FHIT: variants seen among roughly 807,000 people sequenced by gnomAD.
The protein encoded by FHIT is fragile histidine triad diadenosine triphosphatase.
Under a neutral mutation model 17.9 loss-of-function variants are expected in FHIT, and 19 were observed. The ratio of observed to expected loss-of-function variants is 1.06; its 90% confidence interval spans 0.74 to 1.56. The LOEUF (loss-of-function observed/expected upper bound fraction) is 1.56. FHIT is among the 40% of genes most tolerant of loss of function. FHIT has a pLI of 0.00. For synonymous variants in FHIT, 81 were observed against 69.7 expected (o/e 1.16, Z -0.81); for missense variants, 248 against 189.2 (o/e 1.31, Z -1.82).
At chr3:60,100,112 C>G (rs1011301204) in intron 5 of FHIT, among the ~76,000 whole-genome samples, 1 of 152,144 alleles carries the variant, frequency 6.6e-6, no homozygotes, top group East Asian at 1.9e-4. Flanking sequence ...TCACCAGTCT[C>G]AATATAGGAC....
intron 5 of FHIT, among the ~76,000 whole-genome samples, chr3:60,446,654 C>G (rs147039889): frequency 1.8e-4 from 28 of 152,128 alleles, no homozygotes; most frequent in African/African-American, 6.0e-4. Flanking sequence ...GAGTTCAAGA[C>G]CAGTCTGGTC....
chr3:61,119,041 C>A (rs541487995), intron 2 of FHIT, among the ~76,000 whole-genome samples: 105 of 152,170 alleles, frequency 6.9e-4, no homozygotes, highest in African/African-American at 2.4e-3. Context: ...GGTATAGCCC[C>A]TTAGAGGTCA....
chr3:60,543,751 T>C (rs978207439), intron 4 of FHIT, among the ~76,000 whole-genome samples: 6 of 151,782 alleles, frequency 4.0e-5, no homozygotes, highest in African/African-American at 1.5e-4. Context: ...TGTTGTTGTT[T>C]TGTTTTGTTT....
At chr3:60,709,983 C>A (rs545778808) in intron 4 of FHIT, among the ~76,000 whole-genome samples, 2 of 151,376 alleles carry the variant, frequency 1.3e-5, no homozygotes, top group South Asian at 4.2e-4. Context: ...ACTACCCAGT[C>A]TCACAAGTGC....
At chr3:60,799,640 C>T (rs1701115594) in intron 4 of FHIT, among the ~76,000 whole-genome samples, 1 of 152,182 alleles carries the variant, frequency 6.6e-6, no homozygotes, top group African/African-American at 2.4e-5. Flanking sequence ...ATGCAATCAT[C>T]TGGCTACAGT....
At chr3:60,441,841 C>CT (rs1393400309) in intron 5 of FHIT, among the ~76,000 whole-genome samples, 1 of 123,538 alleles carries the variant, frequency 8.1e-6, no homozygotes, top group African/African-American at 3.0e-5. Flanking sequence ...CCCGCTCATT[C>CT]TTTTTTTAGT....
chr3:61,006,851 A>C (rs74721130), intron 3 of FHIT, among the ~76,000 whole-genome samples: 3,215 of 152,316 alleles, frequency 0.021, 59 homozygotes, highest in Non-Finnish European at 0.032. Context: ...TACATAGTAG[A>C]AAGTTTAATA....
At chr3:61,103,797 G>C (rs13066447) in intron 2 of FHIT, among the ~76,000 whole-genome samples, 52,304 of 151,872 alleles carry the variant, frequency 0.34, 10,750 homozygotes, top group Non-Finnish European at 0.47. Context: ...TGATTCCTTT[G>C]CCATTATGTA....
intron 3 of FHIT, among the ~76,000 whole-genome samples, chr3:60,871,301 T>C (rs1302855052): frequency 2.0e-5 from 3 of 152,138 alleles, no homozygotes; most frequent in African/African-American, 7.2e-5. Flanking sequence ...GAATATTCTG[T>C]TCTGCTTCTG....
At chr3:59,994,239 C>G (rs1699409305) in intron 7 of FHIT, among the ~76,000 whole-genome samples, 1 of 152,046 alleles carries the variant, frequency 6.6e-6, no homozygotes. Context: ...AATATTAAGC[C>G]ACTGTAAAGT....
intron 2 of FHIT, among the ~76,000 whole-genome samples, chr3:61,084,979 G>T (rs1389252446): frequency 6.6e-6 from 1 of 152,112 alleles, no homozygotes; most frequent in Non-Finnish European, 1.5e-5. Flanking sequence ...TCAGGTATGG[G>T]CTGTTCATTC....
chr3:59,949,741 T>A (rs1305131602), intron 7 of FHIT, among the ~76,000 whole-genome samples: 1 of 152,194 alleles, frequency 6.6e-6, no homozygotes, highest in Non-Finnish European at 1.5e-5. Context: ...TCAGAACTTG[T>A]GATCTGTGGG....
intron 5 of FHIT, among the ~76,000 whole-genome samples, chr3:60,458,755 T>C (rs962167533): frequency 1.3e-5 from 2 of 152,022 alleles, no homozygotes; most frequent in Non-Finnish European, 2.9e-5. Flanking sequence ...TTCTTCATGA[T>C]ATGGGGGCTA....
At chr3:60,404,053 C>T (rs1022794913) in intron 5 of FHIT, among the ~76,000 whole-genome samples, 2 of 152,148 alleles carry the variant, frequency 1.3e-5, no homozygotes, top group African/African-American at 2.4e-5. Context: ...ACCAATCAGA[C>T]TGATTGTGGG....
At chr3:60,286,251 A>G (rs545919465) in intron 5 of FHIT, among the ~76,000 whole-genome samples, 5 of 152,340 alleles carry the variant, frequency 3.3e-5, no homozygotes, top group Admixed American at 2.0e-4. Flanking sequence ...TAATTATGCC[A>G]CAACAATCTT....
intron 4 of FHIT, among the ~76,000 whole-genome samples, chr3:60,627,714 GGGTGT>G (rs1413868281): frequency 2.6e-5 from 4 of 152,122 alleles, no homozygotes; most frequent in African/African-American, 9.7e-5. Context: ...AGTAGAGACG[GGGTGT>G]CACCATATTG....
At chr3:61,148,683 C>A (rs1212058795) in intron 2 of FHIT, among the ~76,000 whole-genome samples, 2 of 152,088 alleles carry the variant, frequency 1.3e-5, no homozygotes, top group African/African-American at 4.8e-5. Context: ...ATGTCTTTTT[C>A]ATGAGCATAT....
intron 3 of FHIT, among the ~76,000 whole-genome samples, chr3:60,944,623 T>A (rs1553775336): frequency 6.6e-6 from 1 of 152,368 alleles, no homozygotes; most frequent in South Asian, 2.1e-4. Flanking sequence ...AGTAATGGTC[T>A]ATTTTAATTG....
intron 4 of FHIT, among the ~76,000 whole-genome samples, chr3:60,607,447 C>T (rs1553671634): frequency 6.6e-6 from 1 of 151,354 alleles, no homozygotes; most frequent in Non-Finnish European, 1.5e-5. Flanking sequence ...TCTATCTAGT[C>T]TGCCACTAAT....
Sources: gnomAD v4.1 joint callset for allele counts (sites outside exome capture counted in the v4.1 genomes callset) on GRCh38, gnomAD v4.1.1 for gene constraint, MANE v1.5 for transcripts, NCBI Gene and HGNC (gene_info 2026-07-23, HGNC 2026-07-21) for gene names.